HDAC4: variants seen among roughly 807,000 people sequenced by gnomAD.
The protein encoded by HDAC4 is histone deacetylase 4, also known as histone deacetylase A.
Under a neutral mutation model 135.1 loss-of-function variants are expected in HDAC4, and 16 were observed. The ratio of observed to expected loss-of-function variants is 0.12; its 90% CI spans 0.08 to 0.18. HDAC4 has a LOEUF of 0.18. HDAC4 is among the 10% of genes least tolerant of loss of function. The pLI is 1.00. For synonymous variants in HDAC4, 685 were observed against 653.4 expected, an observed-to-expected ratio of 1.05 and a Z score of -0.74; for missense variants, 1,143 against 1,511.8, an observed-to-expected ratio of 0.76 and a Z score of 4.05.
At chr2:239,325,266 C>A (rs1330303381) in intron 2 of HDAC4, among the ~76,000 whole-genome samples, 1 of 152,178 alleles carries the variant, frequency 6.6e-6, no homozygotes, top group African/African-American at 2.4e-5. Context: ...AACTTCTGTG[C>A]ACCACAGGAC....
intron 3 of HDAC4, among the ~76,000 whole-genome samples, chr2:239,227,013 A>C (rs1372516726): frequency 3.9e-5 from 6 of 152,226 alleles, no homozygotes; most frequent in Non-Finnish European, 7.3e-5. Context: ...AGGAGATGAG[A>C]GAGCAGCCAC....
intron 5 of HDAC4, among the ~76,000 whole-genome samples, chr2:239,166,339 G>T (rs1285761222): frequency 6.6e-6 from 1 of 152,150 alleles, no homozygotes; most frequent in East Asian, 1.9e-4. Flanking sequence ...CGTGATGCAT[G>T]AGGCTTCAGG....
chr2:239,113,063 A>T (rs1027980049), intron 13 of HDAC4, among the ~76,000 whole-genome samples: 4 of 152,138 alleles, frequency 2.6e-5, no homozygotes, highest in African/African-American at 9.7e-5. Flanking sequence ...CATCTCTCCA[A>T]AAAAACAAAC....
At position 239,233,763 on chromosome 2, in the gene HDAC4, G is replaced by C. The variant is rs754040851; in HGVS notation, c.94+2830C>G. Among the ~76,000 whole-genome samples the C allele has an allele frequency of 5.3e-5, 8 of 152,194 alleles. No homozygotes were observed. The South Asian group carries it at 1.2e-3, about 24-fold the overall frequency. ...AGATCAACAGTGGGGAGGGCTGCCC[G>C]GGCGCCCTTCCTGCTCCAAGTACAC... On this transcript the variant is annotated intron_variant, in intron 3 of 26. Transcript: ENST00000543185.
At chr2:239,118,523 C>T (rs1018120008) in intron 12 of HDAC4, among the ~76,000 whole-genome samples, 4 of 152,132 alleles carry the variant, frequency 2.6e-5, no homozygotes, top group Admixed American at 1.3e-4. Flanking sequence ...GTGCTGTCCA[C>T]GGGTGAGCGT....
intron 2 of HDAC4, among the ~76,000 whole-genome samples, chr2:239,260,270 G>A (rs72990703): frequency 0.015 from 2,249 of 152,296 alleles, 26 homozygotes; most frequent in Non-Finnish European, 0.024. Flanking sequence ...GGGTAAGACC[G>A]TGGACTCTGA....
At chr2:239,304,857 A>G (rs1368568368) in intron 2 of HDAC4, among the ~76,000 whole-genome samples, 1 of 152,202 alleles carries the variant, frequency 6.6e-6, no homozygotes, top group Non-Finnish European at 1.5e-5. Flanking sequence ...ACATGTATAT[A>G]TAATATATAT....
rs150437178 is a variant in HDAC4 at position 239,163,956 on chromosome 2, G to A, written c.491-33C>T. On this transcript the variant is annotated intron_variant, in intron 5 of 26. Transcript: ENST00000543185. ...GGGAGAAAGCATAGCAGGGGGTGAA[G>A]TGTGGCTCTGCCCTACAGCAGCAAT... is the stretch of plus-strand genomic sequence containing the variant. 3.4e-4 allele frequency: 548 copies of A among 1,613,568 alleles called. 11 individuals are homozygous for A. In the East Asian group the frequency reaches 8.8e-3, roughly 26 times the overall value.
At chr2:239,284,410 C>G (rs1272793202) in intron 2 of HDAC4, among the ~76,000 whole-genome samples, 2 of 152,192 alleles carry the variant, frequency 1.3e-5, no homozygotes, top group Non-Finnish European at 2.9e-5. Flanking sequence ...CATGCTCCAT[C>G]ACGGGGACCC....
intron 5 of HDAC4, among the ~76,000 whole-genome samples, chr2:239,165,200 G>A (rs971962627): frequency 5.9e-5 from 9 of 152,046 alleles, no homozygotes; most frequent in Middle Eastern, 6.8e-3. Flanking sequence ...TCCACCCTGC[G>A]CAATGCGAGT....
At chr2:239,055,532 C>T (rs544002056) in intron 24 of HDAC4, among the ~76,000 whole-genome samples, 29 of 152,226 alleles carry the variant, frequency 1.9e-4, no homozygotes, top group Admixed American at 3.9e-4. Flanking sequence ...GCCTGGGCAA[C>T]GTGGTGAAAC....
chr2:239,397,063 A>C (rs1309413050), intron 1 of HDAC4, among the ~76,000 whole-genome samples: 1 of 152,260 alleles, frequency 6.6e-6, no homozygotes, highest in Non-Finnish European at 1.5e-5. Flanking sequence ...AACAGCGCCA[A>C]GAACAGTCAA....
intron 3 of HDAC4, among the ~76,000 whole-genome samples, chr2:239,212,657 G>A (rs997582717): frequency 2.0e-5 from 3 of 152,198 alleles, no homozygotes; most frequent in African/African-American, 7.2e-5. Context: ...GGGCAGGAGC[G>A]CCAGCATGGG....
intron 2 of HDAC4, among the ~76,000 whole-genome samples, chr2:239,280,755 C>T (rs997521203): frequency 6.6e-6 from 1 of 152,056 alleles, no homozygotes; most frequent in African/African-American, 2.4e-5. Context: ...AAACCATGTA[C>T]ACCACTCCAC....
chr2:239,190,598 A>G (rs957085434), intron 3 of HDAC4, among the ~76,000 whole-genome samples: 1 of 152,224 alleles, frequency 6.6e-6, no homozygotes, highest in Non-Finnish European at 1.5e-5. Context: ...TGGTCCAGAC[A>G]GACGCTCGAG....
In HDAC4 at chr2:239,163,940, C is replaced by CAT. The variant is rs2042974808; in HGVS notation, c.491-19_491-18dup. 6.2e-7 allele frequency: 1 copy of CAT among 1,613,842 alleles called. No homozygotes were observed. The highest frequency in any genetic ancestry group is 8.5e-7 in the Non-Finnish European group (1 of 1,179,960). On this transcript the variant is annotated splice_polypyrimidine_tract_variant and intron_variant, in intron 5 of 26. Coordinates refer to ENST00000543185, the MANE Select transcript of HDAC4 (RefSeq NM_001378414.1). ...CCACGGCACCTGGCGTGGGAGAAAG[C>CAT]ATAGCAGGGGGTGAAGTGTGGCTCT...
chr2:239,085,053 C>G (rs2035799124), intron 19 of HDAC4, among the ~76,000 whole-genome samples: 1 of 151,278 alleles, frequency 6.6e-6, no homozygotes, highest in Non-Finnish European at 1.5e-5. Context: ...CACACACACA[C>G]ACACACACAC....
chr2:239,170,893 C>T (rs997401189), intron 5 of HDAC4, among the ~76,000 whole-genome samples: 1 of 152,158 alleles, frequency 6.6e-6, no homozygotes, highest in Non-Finnish European at 1.5e-5. Flanking sequence ...ACCTCATGAG[C>T]TTGTGCGTAG....
intron 2 of HDAC4, among the ~76,000 whole-genome samples, chr2:239,286,847 AACAGTC>A (rs1248746431): frequency 6.6e-6 from 1 of 152,210 alleles, no homozygotes; most frequent in African/African-American, 2.4e-5. Flanking sequence ...AGTTTTGCCT[AACAGTC>A]ACTCAGGCAT....
Sources: allele counts gnomAD v4.1 joint callset (sites outside exome capture counted in the v4.1 genomes callset), GRCh38; gene constraint gnomAD v4.1.1; transcripts MANE v1.5; gene names NCBI Gene and HGNC (gene_info 2026-07-23, HGNC 2026-07-21).